CBLN2: variants seen among roughly 807,000 people sequenced by gnomAD.
CBLN2 encodes the protein cerebellin 2 precursor, also known as cerebellin-2.
A neutral mutation model predicts 15.0 loss-of-function variants in CBLN2; 7 were observed. The observed-to-expected ratio is 0.47, with a 90% confidence interval of 0.27 to 0.88. The LOEUF is 0.88. Ranked by LOEUF, CBLN2 falls within the 40% of genes least tolerant of loss-of-function variation. The probability of loss-of-function intolerance (pLI) is 0.14; values close to 1 mark genes in which losing one functional copy is unlikely to be tolerated. For synonymous variants in CBLN2, 149 were observed against 135.2 expected (o/e 1.10, Z -0.71); for missense variants, 242 against 304.5 (o/e 0.79, Z 1.53).
chr18:72,619,622 C>A (rs747902720), intron 1 of CBLN2, among the ~76,000 whole-genome samples: 1 of 152,134 alleles, frequency 6.6e-6, no homozygotes, highest in Non-Finnish European at 1.5e-5. Flanking sequence ...TTCCATCTTA[C>A]CAGAGTAACC....
chr18:72,622,836 T>A (rs2069710202), intron 1 of CBLN2, among the ~76,000 whole-genome samples: 1 of 152,206 alleles, frequency 6.6e-6, no homozygotes, highest in Non-Finnish European at 1.5e-5. Flanking sequence ...ATTTTATCCC[T>A]GCTTATCGTC....
chr18:72,552,072 A>G (rs1016349969), intron 1 of CBLN2, among the ~76,000 whole-genome samples: 12 of 149,334 alleles, frequency 8.0e-5, no homozygotes, highest in Non-Finnish European at 1.5e-4. Context: ...TTCACTGTTT[A>G]TTAAAATGTC....
intron 1 of CBLN2, among the ~76,000 whole-genome samples, chr18:72,588,511 G>T (rs1234483897): frequency 6.6e-6 from 1 of 152,180 alleles, no homozygotes; most frequent in Admixed American, 6.5e-5. Flanking sequence ...TTTTGACTGT[G>T]TTCCACTCAC....
intron 1 of CBLN2, among the ~76,000 whole-genome samples, chr18:72,593,720 C>T (rs2069495199): frequency 6.6e-6 from 1 of 152,080 alleles, no homozygotes; most frequent in African/African-American, 2.4e-5. Flanking sequence ...ATTATGAAGG[C>T]ATGTTGAATT....
At chr18:72,606,768 G>A (rs181198476) in intron 1 of CBLN2, among the ~76,000 whole-genome samples, 39 of 152,330 alleles carry the variant, frequency 2.6e-4, no homozygotes, top group African/African-American at 9.4e-4. Context: ...GTGAGAATAA[G>A]TGGGACAGAA....
intron 1 of CBLN2, among the ~76,000 whole-genome samples, chr18:72,622,060 A>G (rs537918952): frequency 1.3e-5 from 2 of 152,200 alleles, no homozygotes; most frequent in Admixed American, 6.5e-5. Context: ...GATATATAGG[A>G]AGACTTTTCT....
chr18:72,547,110 TCACACA>T (rs36204454), upstream of CBLN2, among the ~76,000 whole-genome samples: 69,632 of 148,476 alleles, frequency 0.47, 18,660 homozygotes, highest in Middle Eastern at 0.64. Flanking sequence ...AAAGAAAGTG[TCACACA>T]CACACACACA....
intron 1 of CBLN2, among the ~76,000 whole-genome samples, chr18:72,572,371 C>A (rs2069337989): frequency 6.6e-6 from 1 of 151,978 alleles, no homozygotes; most frequent in African/African-American, 2.4e-5. Context: ...CATAGTCATT[C>A]TGTAGCAACA....
intron 1 of CBLN2, among the ~76,000 whole-genome samples, chr18:72,601,892 A>G (rs1190012390): frequency 6.6e-6 from 1 of 152,144 alleles, no homozygotes; most frequent in Admixed American, 6.5e-5. Flanking sequence ...CTTTGGCTCT[A>G]ACAGTACCCA....
At chr18:72,622,515 A>G (rs1183588410) in intron 1 of CBLN2, among the ~76,000 whole-genome samples, 1 of 152,070 alleles carries the variant, frequency 6.6e-6, no homozygotes, top group Non-Finnish European at 1.5e-5. Context: ...TGAAAACTAG[A>G]AAGGAGAGGA....
intron 1 of CBLN2, among the ~76,000 whole-genome samples, chr18:72,637,166 C>A (rs1384177281): frequency 1.3e-5 from 2 of 151,496 alleles, no homozygotes; most frequent in African/African-American, 4.9e-5. Context: ...CTCTGAGAAA[C>A]AATTGTATTG....
At chr18:72,568,156 C>T (rs1050975833) in intron 1 of CBLN2, among the ~76,000 whole-genome samples, 3 of 152,122 alleles carry the variant, frequency 2.0e-5, no homozygotes, top group East Asian at 3.9e-4. Flanking sequence ...TAACCAGTCA[C>T]GTTCTAAGCC....
chr18:72,629,807 A>T (rs1418703334), intron 1 of CBLN2, among the ~76,000 whole-genome samples: 1 of 152,186 alleles, frequency 6.6e-6, no homozygotes, highest in Non-Finnish European at 1.5e-5. Flanking sequence ...AATGTAAAAA[A>T]TATTGTATAG....
At chr18:72,594,764 T>A (rs2069502254) in intron 1 of CBLN2, among the ~76,000 whole-genome samples, 1 of 152,150 alleles carries the variant, frequency 6.6e-6, no homozygotes, top group African/African-American at 2.4e-5. Context: ...CTTGGTAGGT[T>A]GTATGTGTCT....
chr18:72,618,160 A>C (rs1305101774), intron 1 of CBLN2: 2 of 167,302 alleles, frequency 1.2e-5, no homozygotes, highest in Non-Finnish European at 2.6e-5. Flanking sequence ...TTTTCAAAAC[A>C]GGCTATAAAA....
intron 1 of CBLN2, among the ~76,000 whole-genome samples, chr18:72,573,222 A>G: frequency 6.6e-6 from 1 of 152,222 alleles, no homozygotes; most frequent in Non-Finnish European, 1.5e-5. Flanking sequence ...GACAGACGCA[A>G]GTTTTGTTGC....
intron 1 of CBLN2, among the ~76,000 whole-genome samples, chr18:72,600,000 A>C (rs969528937): frequency 3.3e-5 from 5 of 152,196 alleles, no homozygotes; most frequent in African/African-American, 1.2e-4. Flanking sequence ...CTTGACCTGC[A>C]CAGGTTGGAA....
At chr18:72,569,595 G>T (rs2144904231) in intron 1 of CBLN2, among the ~76,000 whole-genome samples, 1 of 152,238 alleles carries the variant, frequency 6.6e-6, no homozygotes, top group East Asian at 1.9e-4. Context: ...ATCTGATTCT[G>T]GGGAGGCCTC....
intron 1 of CBLN2, among the ~76,000 whole-genome samples, chr18:72,622,934 C>A (rs1353452337): frequency 1.3e-5 from 2 of 152,122 alleles, no homozygotes; most frequent in African/African-American, 4.8e-5. Flanking sequence ...TCTGTTCCTG[C>A]ATTGCTATAA....
Sources: gnomAD v4.1 joint callset for allele counts (sites outside exome capture counted in the v4.1 genomes callset) on GRCh38, gnomAD v4.1.1 for gene constraint, MANE v1.5 for transcripts, NCBI Gene and HGNC (gene_info 2026-07-23, HGNC 2026-07-21) for gene names.